PAK1: variants seen among roughly 807,000 people sequenced by gnomAD.
PAK1 encodes the protein serine/threonine-protein kinase PAK 1.
Under a neutral mutation model 67.4 loss-of-function variants are expected in PAK1, and 29 were observed. The observed-to-expected ratio is 0.43, with a 90% CI of 0.32 to 0.59. PAK1 has a LOEUF of 0.59. Ranked by LOEUF, PAK1 falls within the 20% of genes least tolerant of loss-of-function variation. The probability of loss-of-function intolerance (pLI) is 0.07; values close to 1 mark genes in which losing one functional copy is unlikely to be tolerated. For missense variants in PAK1, 337 were observed against 670.7 expected (o/e 0.50, Z 5.50); for synonymous variants, 223 against 237.4 (o/e 0.94, Z 0.56).
chr11:77,374,467 G>A, intron 4 of PAK1, 102 bp from the exon 5 acceptor site: 1 of 745,910 alleles, frequency 1.3e-6, no homozygotes, highest in Non-Finnish European at 2.4e-6. Context: ...GCCAGATTCA[G>A]AGAATAGTAA....
chr11:77,381,376 T>C (rs1374916008), intron 2 of PAK1, among the ~76,000 whole-genome samples: 2 of 152,228 alleles, frequency 1.3e-5, no homozygotes, highest in Non-Finnish European at 2.9e-5. Flanking sequence ...AGGTATTTCA[T>C]ACATATCATC....
chr11:77,362,223 A>T (rs2136664252), intron 5 of PAK1, among the ~76,000 whole-genome samples: 1 of 152,274 alleles, frequency 6.6e-6, no homozygotes, highest in Middle Eastern at 3.4e-3. Flanking sequence ...TAACCAGTTG[A>T]CAATAAGGAA....
At chr11:77,325,262 G>C in intron 14 of PAK1, 1 of 1,598,416 alleles carries the variant, frequency 6.3e-7, no homozygotes, top group East Asian at 2.2e-5. Context: ...AGCCTATTAA[G>C]AGCAGTGGCC....
intron 6 of PAK1, among the ~76,000 whole-genome samples, chr11:77,358,524 A>G (rs1946348011): frequency 6.6e-6 from 1 of 152,162 alleles, no homozygotes; most frequent in Non-Finnish European, 1.5e-5. Context: ...TTTAACAGAG[A>G]AGAAAAGATC....
At chr11:77,403,533 G>A (rs1953002340) in intron 1 of PAK1, among the ~76,000 whole-genome samples, 1 of 152,148 alleles carries the variant, frequency 6.6e-6, no homozygotes, top group Admixed American at 6.6e-5. Context: ...TTCAATTTGA[G>A]CTCCAATAAA....
At chr11:77,424,615 A>G (rs759583055) in intron 1 of PAK1, among the ~76,000 whole-genome samples, 7 of 152,226 alleles carry the variant, frequency 4.6e-5, no homozygotes, top group Non-Finnish European at 8.8e-5. Context: ...AGGTGCTTTA[A>G]GTACCAGGTA....
At position 77,340,710 on chromosome 11, in the gene PAK1, G is replaced by C; in HGVS notation, c.1052C>G (p.Ser351Cys). The C allele has an allele frequency of 1.9e-6, 3 of 1,612,130 alleles. No individual in the cohort carries two copies. Among genetic ancestry groups the C allele is most frequent in the Non-Finnish European group, 2.5e-6 (3 of 1,178,210 alleles). Reference protein sequence around the residue: ...WVVMEYLAGGSLTDVVTETCM... With the variant: ...WVVMEYLAGGCLTDVVTETCM... The stretch of plus-strand genomic sequence containing the variant: ...AGTTTCTGTCACCACATCTGTCAAG[G>C]AGCCTCCAGCCAAGTATTCCATAAC... Residue 351 changes from serine to cysteine, a missense_variant, in exon 11 of 15, where the codon TCC becomes TGC. Around this residue, in one of 8 missense-constraint regions of PAK1, gnomAD observed 25 missense variants for 47.6 expected, o/e 0.53. Coordinates refer to ENST00000356341, the MANE Select transcript of PAK1 (RefSeq NM_002576.5).
intron 6 of PAK1, 181 bp downstream of exon 6, chr11:77,358,717 T>C: frequency 1.5e-6 from 1 of 674,940 alleles, no homozygotes. Context: ...AATAAACACA[T>C]GATTTTTTGT....
At chr11:77,433,829 G>C (rs1274030891) in intron 1 of PAK1, among the ~76,000 whole-genome samples, 2 of 152,070 alleles carry the variant, frequency 1.3e-5, no homozygotes, top group African/African-American at 2.4e-5. Flanking sequence ...ATGGACAAAG[G>C]CTCTAAATAG....
chr11:77,477,871 C>T (rs927107335), upstream of PAK1, among the ~76,000 whole-genome samples: 23 of 152,296 alleles, frequency 1.5e-4, no homozygotes, highest in African/African-American at 5.5e-4. Context: ...TGCAGTGAGC[C>T]GTGATCATGC....
chr11:77,526,044 T>C, the PAK1 span, among the ~76,000 whole-genome samples: 1 of 152,146 alleles, frequency 6.6e-6, no homozygotes, highest in Non-Finnish European at 1.5e-5. Flanking sequence ...CACTAGCTCT[T>C]CACAAAGAAA....
At chr11:77,340,517 T>C (rs1044793344) in intron 11 of PAK1, 129 bp downstream of exon 11, 8 of 690,034 alleles carry the variant, frequency 1.2e-5, no homozygotes, top group Admixed American at 4.1e-5. Context: ...ACAGGAATGA[T>C]AGCAGTGTCA....
upstream of PAK1, among the ~76,000 whole-genome samples, chr11:77,479,031 G>A: frequency 6.7e-6 from 1 of 150,210 alleles, no homozygotes; most frequent in East Asian, 1.9e-4. Flanking sequence ...CTTGCAGTGA[G>A]CCGAGACCGC....
At chr11:77,366,229 C>T (rs2729753) in intron 5 of PAK1, among the ~76,000 whole-genome samples, 5 of 151,954 alleles carry the variant, frequency 3.3e-5, no homozygotes, top group Admixed American at 6.6e-5. Context: ...CAGACTGAAA[C>T]GAAGTAATAC....
At position 77,379,380 on chromosome 11, in the gene PAK1, T is replaced by C. The variant is rs774749980; in HGVS notation, c.300A>G (p.Pro100=). 38 of 1,613,014 alleles carry C rather than the reference T, an allele frequency of 2.4e-5. No homozygotes were observed. Among genetic ancestry groups the C allele is most frequent in the Non-Finnish European group, 3.1e-5 (37 of 1,179,810 alleles). Reference sequence around the variant, plus strand: ...TCTGAAGCAAGCGGGCCCACTGCTCTGGCATTCCCTGTAAGAGAGACATGC... The same window carrying C: ...TCTGAAGCAAGCGGGCCCACTGCTCCGGCATTCCCTGTAAGAGAGACATGC... ...DAVTGEFTGM[P]EQWARLLQTS... The change falls in exon 4 of 15, where the codon CCA becomes CCG. Residue 100 remains proline, a synonymous_variant. Transcript: ENST00000356341.
the PAK1 span, among the ~76,000 whole-genome samples, chr11:77,486,757 C>T: frequency 6.6e-6 from 1 of 152,314 alleles, no homozygotes; most frequent in Non-Finnish European, 1.5e-5. Context: ...TTTAGACCAG[C>T]CCTATCTGGG....
chr11:77,379,843 C>G, intron 3 of PAK1, 51 bp downstream of exon 3: 5 of 1,218,982 alleles, frequency 4.1e-6, no homozygotes, highest in Non-Finnish European at 6.0e-6. Context: ...TCTAACAGTG[C>G]ACAGCCAGAA....
At chr11:77,463,858 A>G (rs1013637942) in intron 1 of PAK1, among the ~76,000 whole-genome samples, 1 of 152,156 alleles carries the variant, frequency 6.6e-6, no homozygotes, top group South Asian at 2.1e-4. Flanking sequence ...TAGTTCCTCT[A>G]TGTTGAGGTA....
chr11:77,323,063 T>C lies in PAK1; in HGVS notation c.*211A>G, dbSNP rs965376750. 2 of 860,450 alleles carry C rather than the reference T, an allele frequency of 2.3e-6. No homozygotes were observed. The highest frequency in any genetic ancestry group is 3.8e-6 in the Non-Finnish European group (2 of 530,000). The allele number at this position is 860,450 out of a possible 1,614,324, so 53.3% of individuals were successfully genotyped here. ...CCATGAATTGGGAGGAAATTCCTTA[T>C]TTAGAAATGGCCATCATCTGATTAG... On this transcript the variant is annotated 3_prime_UTR_variant, in exon 15 of 15. Transcript: ENST00000356341.
Sources: allele counts gnomAD v4.1 joint callset (sites outside exome capture counted in the v4.1 genomes callset), GRCh38; gene constraint gnomAD v4.1.1; regional missense constraint gnomAD v4.1.1; transcripts MANE v1.5; gene names NCBI Gene and HGNC (gene_info 2026-07-23, HGNC 2026-07-21).